ABCA8: variants seen among roughly 807,000 people sequenced by gnomAD.
ABCA8 encodes the protein ABC-type organic anion transporter ABCA8.
In ABCA8, 177 loss-of-function variants were observed where a neutral mutation model predicts 192.3. The observed-to-expected ratio is 0.92, with a 90% CI of 0.81 to 1.04. The LOEUF is 1.04. Ranked by LOEUF, ABCA8 falls within the 50% of genes least tolerant of loss-of-function variation. ABCA8 has a pLI of 0.00. For missense variants in ABCA8, 1,915 were observed against 1,904.8 expected, an observed-to-expected ratio of 1.01 and a Z score of -0.10; for synonymous variants, 642 against 690.2, an observed-to-expected ratio of 0.93 and a Z score of 1.09.
At chr17:68,877,342 T>C (rs893495881) in intron 33 of ABCA8, 177 bp downstream of exon 33, 9 of 544,832 alleles carry the variant, frequency 1.7e-5, no homozygotes, top group Non-Finnish European at 2.4e-5. Flanking sequence ...TTATTTAATA[T>C]GAGAAAGAAA....
intron 2 of ABCA8, among the ~76,000 whole-genome samples, chr17:68,947,562 T>C (rs924076550): frequency 1.3e-5 from 2 of 152,166 alleles, no homozygotes; most frequent in Admixed American, 6.6e-5. Context: ...GATAAAACCT[T>C]ATGAGCCTGT....
At chr17:68,877,326 A>T (rs769977290) in intron 33 of ABCA8, 193 bp downstream of exon 33, 4 of 491,184 alleles carry the variant, frequency 8.1e-6, no homozygotes, top group Non-Finnish European at 1.3e-5. Flanking sequence ...GCCTTTTTAA[A>T]TTTTCTTATT....
intron 28 of ABCA8, 60 bp from the exon 29 acceptor site, chr17:68,883,942 G>C (rs1471925213): frequency 9.8e-7 from 1 of 1,016,928 alleles, no homozygotes; most frequent in Non-Finnish European, 1.5e-6. Context: ...CAATATCAAA[G>C]ATATACTAAT....
chr17:68,951,619 G>C (rs1183594430), intron 1 of ABCA8, among the ~76,000 whole-genome samples: 1 of 152,098 alleles, frequency 6.6e-6, no homozygotes, highest in Admixed American at 6.6e-5. Flanking sequence ...ATCTCTGTTA[G>C]TTTTCAGCAA....
intron 37 of ABCA8, among the ~76,000 whole-genome samples, chr17:68,871,175 T>A (rs1010595495): frequency 6.6e-6 from 1 of 152,114 alleles, no homozygotes; most frequent in Non-Finnish European, 1.5e-5. Context: ...TGCTGTGTCA[T>A]AACTTGGCAG....
At chr17:68,915,242 C>A (rs1418036529) in intron 17 of ABCA8, among the ~76,000 whole-genome samples, 1 of 151,894 alleles carries the variant, frequency 6.6e-6, no homozygotes, top group African/African-American at 2.4e-5. Flanking sequence ...TTTCTCTACC[C>A]CACAAGCAGA....
chr17:68,919,354 G>A lies in ABCA8; in HGVS notation c.1735C>T (p.Leu579Phe), dbSNP rs1360450028. 3.7e-6 allele frequency: 6 copies of A among 1,613,770 alleles called. No homozygotes were observed. The highest frequency in any genetic ancestry group is 1.1e-5 in the South Asian group (1 of 91,022). The change falls in exon 14 of 40, where the codon CTC (leucine) becomes TTC (phenylalanine). Residue 579 changes from leucine to phenylalanine, a missense_variant. Physicochemically the swap from Leu to Phe is conservative, Grantham distance 22. Transcript: ENST00000586539. ...CCTTTTATTTTAGCAAAGAGTCTGA[G>A]GTTTTCTCTTACAGTGAGGAAGTCA... Reference protein sequence around the residue: ...QFDFLTVRENLRLFAKIKGIL... With the variant: ...QFDFLTVRENFRLFAKIKGIL...
chr17:68,948,358 A>T (rs370447976), intron 2 of ABCA8, among the ~76,000 whole-genome samples: 34 of 152,290 alleles, frequency 2.2e-4, no homozygotes, highest in African/African-American at 7.7e-4. Context: ...TTACACTCCC[A>T]CTAACAGTAT....
chr17:68,923,564 A>G (rs1411907438), intron 11 of ABCA8, among the ~76,000 whole-genome samples: 3 of 152,148 alleles, frequency 2.0e-5, no homozygotes, highest in African/African-American at 7.2e-5. Context: ...AGCACTTATA[A>G]TTGGGCAAGG....
chr17:68,882,465 C>T, intron 30 of ABCA8, 134 bp downstream of exon 30: 1 of 691,698 alleles, frequency 1.4e-6, no homozygotes, highest in South Asian at 3.0e-5. Context: ...CTTTTAGTCG[C>T]TCATTTAATC....
intron 10 of ABCA8, among the ~76,000 whole-genome samples, chr17:68,926,461 C>A (rs1210764908): frequency 1.3e-5 from 2 of 152,088 alleles, no homozygotes; most frequent in Non-Finnish European, 2.9e-5. Flanking sequence ...AAAAAAAAGT[C>A]AGTGAGATTT....
Position 68,881,228 on chromosome 17 carries a change from AC to A in ABCA8, c.3947-18del. 1 of 1,518,012 alleles carries A rather than the reference AC, an allele frequency of 6.6e-7. No individual in the cohort carries two copies. Among genetic ancestry groups the A allele is most frequent in the East Asian group, 2.3e-5 (1 of 44,388 alleles). 94.0% of individuals were successfully genotyped at this position (1,518,012 alleles called of 1,614,324 possible). On this transcript the variant is annotated intron_variant, in intron 31 of 39. Coordinates refer to ENST00000586539, the MANE Select transcript of ABCA8 (RefSeq NM_001288985.2). ...AAACTTCACCTGAAAAAAAGGTTAC[AC>A]TTAATATTAATCTATTTTAATGGTA...
chr17:68,872,645 G>C (rs2066093313), intron 37 of ABCA8, among the ~76,000 whole-genome samples: 1 of 151,846 alleles, frequency 6.6e-6, no homozygotes, highest in Non-Finnish European at 1.5e-5. Context: ...TATCACAGGA[G>C]ATGACAGCTC....
intron 24 of ABCA8, among the ~76,000 whole-genome samples, chr17:68,887,925 T>TCAATATATATATATATTATATATGGATA: frequency 9.9e-6 from 1 of 101,018 alleles, no homozygotes; most frequent in African/African-American, 4.0e-5. Flanking sequence ...TATATATATA[T>TCAATATATATATATATTATATATGGATA]TATATATGGA....
intron 1 of ABCA8, among the ~76,000 whole-genome samples, chr17:68,950,757 G>A (rs953950551): frequency 3.9e-5 from 6 of 152,114 alleles, no homozygotes; most frequent in African/African-American, 9.7e-5. Context: ...ACGAACTAAT[G>A]TTAGCAGAGT....
chr17:68,938,383 T>G (rs1432154055), intron 4 of ABCA8, among the ~76,000 whole-genome samples: 2 of 151,972 alleles, frequency 1.3e-5, no homozygotes, highest in African/African-American at 4.8e-5. Context: ...AGGCATAAGA[T>G]TAATAATTAC....
In ABCA8 at chr17:68,918,119, G is replaced by A; in HGVS notation, c.1975C>T (p.Leu659=). 6.2e-7 allele frequency: 1 copy of A among 1,614,176 alleles called. No individual in the cohort carries two copies. Among genetic ancestry groups the A allele is most frequent in the Non-Finnish European group, 8.5e-7 (1 of 1,180,026 alleles). ...PFSRHQVWNL[L]KERKTDRVIL... Reference sequence around the variant, plus strand: ...ACGCGGTCTGTTTTGCGTTCTTTCAGAAGGTTCCATACTTGGTGTCTTGAA... The same window carrying A: ...ACGCGGTCTGTTTTGCGTTCTTTCAAAAGGTTCCATACTTGGTGTCTTGAA... The change falls in exon 16 of 40, where the codon CTG becomes TTG. Residue 659 remains leucine, a synonymous_variant. Transcript: ENST00000586539.
chr17:68,875,161 CT>C, intron 37 of ABCA8, 98 bp downstream of exon 37: 2 of 1,509,434 alleles, frequency 1.3e-6, no homozygotes, highest in South Asian at 2.5e-5. Flanking sequence ...CAAATAATCT[CT>C]TTCTTTTAGG....
intron 23 of ABCA8, among the ~76,000 whole-genome samples, chr17:68,892,039 T>C (rs2066633103): frequency 6.6e-6 from 1 of 152,164 alleles, no homozygotes; most frequent in African/African-American, 2.4e-5. Flanking sequence ...AGATAAATAT[T>C]GGTTGAGGAC....
Sources: gnomAD v4.1 joint callset for allele counts (sites outside exome capture counted in the v4.1 genomes callset) on GRCh38, gnomAD v4.1.1 for gene constraint, MANE v1.5 for transcripts, NCBI Gene and HGNC (gene_info 2026-07-23, HGNC 2026-07-21) for gene names.